Variants in FRMD4A observed in about 807,000 individuals in gnomAD.
The protein encoded by FRMD4A is FERM domain-containing protein 4A.
Under a neutral mutation model 129.1 loss-of-function variants are expected in FRMD4A, and 29 were observed. That is an observed-to-expected ratio of 0.22 (90% confidence interval 0.17 to 0.31). The LOEUF (loss-of-function observed/expected upper bound fraction) is 0.31, where lower values mean the gene tolerates loss of function less well. Among genes scored for constraint, FRMD4A ranks in the 10% least tolerant of loss-of-function variants. FRMD4A has a pLI of 1.00. For missense variants in FRMD4A, 1,272 were observed against 1,375.8 expected (o/e 0.92, Z 1.19); for synonymous variants, 634 against 571.6 (o/e 1.11, Z -1.56).
At chr10:13,833,069 G>A (rs961794451) in intron 3 of FRMD4A, among the ~76,000 whole-genome samples, 2 of 152,160 alleles carry the variant, frequency 1.3e-5, no homozygotes, top group Admixed American at 6.6e-5. Flanking sequence ...AGTATTTATC[G>A]AGCACCCACT....
chr10:13,981,171 T>C (rs2095559176), intron 2 of FRMD4A, among the ~76,000 whole-genome samples: 1 of 152,122 alleles, frequency 6.6e-6, no homozygotes, highest in Non-Finnish European at 1.5e-5. Flanking sequence ...TGACTGAGGA[T>C]GGTAGATATG....
intron 15 of FRMD4A, among the ~76,000 whole-genome samples, chr10:13,681,575 T>C (rs774697984): frequency 3.4e-5 from 5 of 148,412 alleles, no homozygotes; most frequent in East Asian, 3.8e-4. Flanking sequence ...TATATGTATA[T>C]GTGTATATAT....
intron 2 of FRMD4A, among the ~76,000 whole-genome samples, chr10:14,220,276 T>C (rs1166197486): frequency 6.6e-6 from 1 of 152,254 alleles, no homozygotes; most frequent in African/African-American, 2.4e-5. Flanking sequence ...TCAAAGTGCC[T>C]TGTTTATATG....
rs140015308 is a variant in FRMD4A at position 13,835,611 on chromosome 10, C to T, written c.111+23236G>A. On this transcript the variant is annotated intron_variant, in intron 3 of 24. Transcript: ENST00000357447. ...TGAACCCTATTGTGAACTGTGCATG[C>T]GAGCTATCTGGGTTGTGTGCTCCAT... Among the ~76,000 whole-genome samples the T allele has an allele frequency of 2.9e-3, 449 of 152,206 alleles. 2 individuals are homozygous for T. The highest frequency in any genetic ancestry group is 5.4e-3 in the Admixed American group (82 of 15,290).
At chr10:14,196,786 C>T (rs958710893) in intron 2 of FRMD4A, among the ~76,000 whole-genome samples, 1 of 152,178 alleles carries the variant, frequency 6.6e-6, no homozygotes, top group Non-Finnish European at 1.5e-5. Flanking sequence ...ACTGTGATTG[C>T]TTGAATCCAA....
At chr10:14,053,755 A>T (rs1834372187) in intron 2 of FRMD4A, among the ~76,000 whole-genome samples, 1 of 152,130 alleles carries the variant, frequency 6.6e-6, no homozygotes, top group Non-Finnish European at 1.5e-5. Context: ...ATGGTGGCTC[A>T]TGCCTATAAT....
At chr10:13,937,425 C>T (rs550681852) in intron 2 of FRMD4A, among the ~76,000 whole-genome samples, 3 of 152,258 alleles carry the variant, frequency 2.0e-5, no homozygotes, top group African/African-American at 7.2e-5. Context: ...AACTACAACT[C>T]CCGTCACCAA....
chr10:14,100,079 C>T (rs1394052533), intron 2 of FRMD4A, among the ~76,000 whole-genome samples: 2 of 152,222 alleles, frequency 1.3e-5, no homozygotes, highest in African/African-American at 2.4e-5. Flanking sequence ...TCATCCACTC[C>T]TTGTTTTGCA....
rs898984887 is a variant in FRMD4A at position 14,263,729 on chromosome 10, T to C, written c.45+66329A>G. Among the ~76,000 whole-genome samples, 5 of 152,174 alleles carry C rather than the reference T, an allele frequency of 3.3e-5. No homozygotes were observed. The East Asian group carries it at 7.7e-4, about 24-fold the overall frequency. ...TAGGGCACAAGCAGGGTACTGACAA[T>C]GTTCAAGGAGGCCCCTGGAGTCGCC... On this transcript the variant is annotated intron_variant, in intron 2 of 24. Coordinates refer to ENST00000357447, the MANE Select transcript of FRMD4A (RefSeq NM_018027.5).
At chr10:13,739,842 A>G (rs986461138) in intron 11 of FRMD4A, among the ~76,000 whole-genome samples, 11 of 152,192 alleles carry the variant, frequency 7.2e-5, no homozygotes, top group African/African-American at 1.9e-4. Flanking sequence ...GCTCACGCCT[A>G]TAATCCCAGC....
chr10:14,124,126 C>T (rs1308641390), intron 2 of FRMD4A, among the ~76,000 whole-genome samples: 2 of 152,208 alleles, frequency 1.3e-5, no homozygotes, highest in African/African-American at 4.8e-5. Flanking sequence ...TACAAATGCC[C>T]TCCCTGAGAG....
intron 2 of FRMD4A, chr10:13,891,494 C>G (rs2094695938): frequency 3.4e-6 from 2 of 590,020 alleles, no homozygotes; most frequent in Non-Finnish European, 4.3e-6. Flanking sequence ...GCGAAATAAA[C>G]GACTCCAGGC....
intron 2 of FRMD4A, among the ~76,000 whole-genome samples, chr10:14,093,700 A>G (rs1461804421): frequency 7.0e-6 from 1 of 142,672 alleles, no homozygotes; most frequent in Non-Finnish European, 1.5e-5. Context: ...GAGTGCTAAG[A>G]GCAGATGGCA....
At chr10:13,714,580 A>G (rs2088589235) in intron 12 of FRMD4A, among the ~76,000 whole-genome samples, 1 of 152,108 alleles carries the variant, frequency 6.6e-6, no homozygotes, top group African/African-American at 2.4e-5. Context: ...GAGGAAACAC[A>G]TGGTGCCTAA....
intron 2 of FRMD4A, among the ~76,000 whole-genome samples, chr10:14,119,380 C>A (rs760152982): frequency 1.1e-4 from 17 of 152,282 alleles, no homozygotes; most frequent in South Asian, 2.1e-4. Flanking sequence ...TGGGGCCAAA[C>A]CCCAGGTACC....
chr10:14,203,801 C>T (rs530510231), intron 2 of FRMD4A, among the ~76,000 whole-genome samples: 1 of 152,294 alleles, frequency 6.6e-6, no homozygotes, highest in East Asian at 1.9e-4. Context: ...TAGAACTTCC[C>T]TTGACTTTTA....
rs142068067 is a variant in FRMD4A, at chr10:14,246,098, T to C, written c.45+83960A>G. Among the ~76,000 whole-genome samples the C allele has an allele frequency of 1.8e-3, 273 of 152,194 alleles. 2 individuals carry two copies. The highest frequency in any genetic ancestry group is 6.3e-3 in the African/African-American group (262 of 41,544). ...CGAGGGGCTCCTCAGATGCTCCCAT[T>C]CCCAAAGACTGATGTGGTCCCAGAT... On this transcript the variant is annotated intron_variant, in intron 2 of 24. Transcript: ENST00000357447.
intron 2 of FRMD4A, among the ~76,000 whole-genome samples, chr10:14,152,568 T>C (rs1011209648): frequency 2.0e-5 from 3 of 152,150 alleles, no homozygotes; most frequent in Non-Finnish European, 2.9e-5. Context: ...CTGACCTCCA[T>C]TGTGAAGCCT....
intron 2 of FRMD4A, among the ~76,000 whole-genome samples, chr10:13,990,585 C>T (rs556848638): frequency 1.9e-4 from 29 of 152,210 alleles, no homozygotes; most frequent in Admixed American, 5.2e-4. Context: ...AAAGCCTGCC[C>T]GGGAAACCTT....
Sources: gnomAD v4.1 joint callset for allele counts (sites outside exome capture counted in the v4.1 genomes callset) on GRCh38, gnomAD v4.1.1 for gene constraint, MANE v1.5 for transcripts, NCBI Gene and HGNC (gene_info 2026-07-23, HGNC 2026-07-21) for gene names.